The following DMD variants were observed in gnomAD, a reference collection of about 807,000 sequenced individuals.
The protein encoded by DMD is mutant dystrophin.
In DMD, 63 loss-of-function variants were observed where a neutral mutation model predicts 330.1. That is an observed-to-expected ratio of 0.19 (90% CI 0.16 to 0.24). The LOEUF (loss-of-function observed/expected upper bound fraction) is 0.24. DMD is among the 10% of genes least tolerant of loss of function. DMD has a pLI of 1.00. For synonymous variants in DMD, 1,223 were observed against 959.8 expected (o/e 1.27, Z -5.07); for missense variants, 3,344 against 2,684.1 (o/e 1.25, Z -5.43).
intron 55 of DMD, among the ~76,000 whole-genome samples, chrX:31,564,051 T>C (rs1293773462): frequency 9.0e-6 from 1 of 110,594 alleles, no homozygotes; most frequent in Admixed American, 9.6e-5. Flanking sequence ...CATGTGAAAA[T>C]GAAGGCAGAC....
intron 44 of DMD, among the ~76,000 whole-genome samples, chrX:32,171,123 C>G (rs1469965556): frequency 9.0e-6 from 1 of 111,308 alleles, no homozygotes; most frequent in Non-Finnish European, 1.9e-5. Flanking sequence ...TCTGCAAAAC[C>G]TTGATCTACT....
At chrX:31,132,143 A>G (rs1443243751) in intron 77 of DMD, among the ~76,000 whole-genome samples, 1 of 112,189 alleles carries the variant, frequency 8.9e-6, no homozygotes, top group Non-Finnish European at 1.9e-5. Context: ...TAAGGCCTGA[A>G]ATTCTTCCGT....
At chrX:31,513,681 C>T in intron 55 of DMD, among the ~76,000 whole-genome samples, 1 of 110,831 alleles carries the variant, frequency 9.0e-6, no homozygotes, top group African/African-American at 3.3e-5. Flanking sequence ...AACGAATGAA[C>T]AAAGGGGAAA....
chrX:32,211,888 C>A (rs185021982), intron 44 of DMD, among the ~76,000 whole-genome samples: 295 of 112,141 alleles, frequency 2.6e-3, no homozygotes, highest in Middle Eastern at 0.014. Flanking sequence ...ATTGTTTCTA[C>A]TGGCAACTAC....
At chrX:33,279,755 T>C (rs929979560) in intron 1 of DMD, among the ~76,000 whole-genome samples, 2 of 111,316 alleles carry the variant, frequency 1.8e-5, no homozygotes, top group African/African-American at 6.5e-5. Flanking sequence ...CCATTTTGAC[T>C]ACTAGGTAAT....
intron 55 of DMD, among the ~76,000 whole-genome samples, chrX:31,592,380 CTATATATATA>C (rs34388625): frequency 1.1e-5 from 1 of 92,217 alleles, no homozygotes; most frequent in South Asian, 5.1e-4. Context: ...CATATATATT[CTATATATATA>C]TATATATATA....
At chrX:32,700,148 T>A (rs1046582059) in intron 7 of DMD, among the ~76,000 whole-genome samples, 10 of 111,926 alleles carry the variant, frequency 8.9e-5, no homozygotes, top group Non-Finnish European at 1.9e-4. Flanking sequence ...AAAGTAATCC[T>A]TTATGTGAAG....
intron 1 of DMD, among the ~76,000 whole-genome samples, chrX:33,023,469 G>A (rs2093950278): frequency 8.9e-6 from 1 of 111,738 alleles, no homozygotes; most frequent in Non-Finnish European, 1.9e-5. Context: ...CTCAGCCGCA[G>A]GTATGTCATT....
chrX:32,736,073 AAAAC>A (rs1192309649), intron 7 of DMD, among the ~76,000 whole-genome samples: 1 of 112,228 alleles, frequency 8.9e-6, no homozygotes, highest in African/African-American at 3.2e-5. Context: ...TTTACAAGAA[AAAAC>A]AAACAACCCC....
intron 16 of DMD, among the ~76,000 whole-genome samples, chrX:32,551,750 C>T (rs1401308674): frequency 9.0e-6 from 1 of 111,631 alleles, no homozygotes; most frequent in Non-Finnish European, 1.9e-5. Context: ...TGCCCAAAAG[C>T]TCATTGATCT....
intron 60 of DMD, among the ~76,000 whole-genome samples, chrX:31,356,290 C>CT (rs2058674140): frequency 9.0e-6 from 1 of 111,361 alleles, no homozygotes; most frequent in Admixed American, 9.6e-5. Context: ...TGCATCACAG[C>CT]TTTTTTTCCT....
chrX:32,083,484 C>A (rs1007211820), intron 44 of DMD, among the ~76,000 whole-genome samples: 1 of 110,962 alleles, frequency 9.0e-6, no homozygotes, highest in African/African-American at 3.3e-5. Context: ...GTCTCTATCT[C>A]CTGACCTCAT....
intron 52 of DMD, among the ~76,000 whole-genome samples, chrX:31,684,842 A>G (rs62589462): frequency 0.15 from 16,707 of 111,407 alleles, 1,086 homozygotes; most frequent in Admixed American, 0.31. Flanking sequence ...GACACTGATC[A>G]ATACATTTTG....
At position 31,354,480 on chromosome X, in the gene DMD, T is replaced by A. The variant is rs781730864; in HGVS notation, c.9085-5846A>T. Among the ~76,000 whole-genome samples, 293 of 111,514 alleles carry A rather than the reference T, an allele frequency of 2.6e-3. 1 individual carries two copies. The highest frequency in any genetic ancestry group is 9.0e-3 in the African/African-American group (277 of 30,775). ...AACCATTTAGATTCAATTTTGCCTA[T>A]AATACTAGATTTAAAAATGTAAAAC... On this transcript the variant is annotated intron_variant, in intron 60 of 78. Transcript: ENST00000357033.
intron 2 of DMD, among the ~76,000 whole-genome samples, chrX:33,009,729 T>C (rs1255403297): frequency 1.4e-3 from 88 of 62,819 alleles, no homozygotes; most frequent in Non-Finnish European, 2.2e-3. Flanking sequence ...TGTGTGTATA[T>C]GTGTATATAC....
At chrX:32,732,305 T>C (rs748832450) in intron 7 of DMD, among the ~76,000 whole-genome samples, 27 of 110,913 alleles carry the variant, frequency 2.4e-4, no homozygotes, top group African/African-American at 7.9e-4. Flanking sequence ...CTGAAAGTGA[T>C]GGGGAGAATG....
At chrX:31,771,630 T>C (rs1165591305) in intron 51 of DMD, among the ~76,000 whole-genome samples, 1 of 109,954 alleles carries the variant, frequency 9.1e-6, no homozygotes, top group Non-Finnish European at 1.9e-5. Context: ...GCCTCCCTAG[T>C]AGCTGGGATT....
chrX:31,517,998 T>C (rs1408711898), intron 55 of DMD, among the ~76,000 whole-genome samples: 1 of 105,999 alleles, frequency 9.4e-6, no homozygotes, highest in East Asian at 3.0e-4. Context: ...GACAAAACCA[T>C]TGACACCAAA....
chrX:32,270,045 C>T (rs1268030916), intron 43 of DMD, among the ~76,000 whole-genome samples: 1 of 111,938 alleles, frequency 8.9e-6, no homozygotes, highest in Non-Finnish European at 1.9e-5. Context: ...CAAATTTTGC[C>T]AAGAGACATA....
Sources: gnomAD v4.1 joint callset for allele counts (sites outside exome capture counted in the v4.1 genomes callset) on GRCh38, gnomAD v4.1.1 for gene constraint, MANE v1.5 for transcripts, NCBI Gene and HGNC (gene_info 2026-07-23, HGNC 2026-07-21) for gene names.